USP45: variants seen among roughly 807,000 people sequenced by gnomAD.
USP45 encodes ubiquitin carboxyl-terminal hydrolase 45.
In USP45, 89 loss-of-function variants were observed where a neutral mutation model predicts 95.8. That is an observed-to-expected ratio of 0.93 (90% confidence interval 0.78 to 1.11). USP45 has a LOEUF of 1.11. Among genes scored for constraint, USP45 ranks in the 50% least tolerant of loss-of-function variants. The probability of loss-of-function intolerance (pLI) is 0.00; values close to 1 mark genes in which losing one functional copy is unlikely to be tolerated. For synonymous variants in USP45, 281 were observed against 316.2 expected, an observed-to-expected ratio of 0.89 and a Z score of 1.18; for missense variants, 898 against 942.5, an observed-to-expected ratio of 0.95 and a Z score of 0.62.
At position 99,515,392 on chromosome 6, in the gene USP45, C is replaced by T. The variant is rs1264563755; in HGVS notation, c.-11G>A. 1.3e-5 allele frequency: 2 copies of T among 152,272 alleles called. No homozygotes were observed. Among genetic ancestry groups the T allele is most frequent in the Non-Finnish European group, 2.9e-5 (2 of 68,080 alleles). 9.4% of individuals were successfully genotyped at this position (152,272 alleles called of 1,614,324 possible). A position where few individuals can be genotyped will look rare whatever the true frequency, so the allele number is the denominator to read the frequency against. On this transcript the variant is annotated splice_region_variant and 5_prime_UTR_variant, in exon 1 of 18. Coordinates refer to ENST00000500704, the MANE Select transcript of USP45 (RefSeq NM_001346022.3). The stretch of plus-strand genomic sequence containing the variant: ...CCAAAGCGCCGCGTTCTCAACTCAC[C>T]CCGCCGGGCCGGGCCGCAGCGTCTA...
At chr6:99,471,892 G>A (rs961654986) in intron 9 of USP45, among the ~76,000 whole-genome samples, 9 of 152,148 alleles carry the variant, frequency 5.9e-5, no homozygotes, top group African/African-American at 1.7e-4. Context: ...GTAGCTGACC[G>A]TCAGGACTGT....
In USP45 at chr6:99,445,859, T is replaced by G. The variant is rs1473432103; in HGVS notation, c.1913A>C (p.Lys638Thr). The G allele has an allele frequency of 6.2e-7, 1 of 1,608,500 alleles. No individual in the cohort carries two copies. Among genetic ancestry groups the G allele is most frequent in the Admixed American group, 1.7e-5 (1 of 58,776 alleles). The change falls in exon 14 of 18, where the codon AAG becomes ACG. Residue 638 changes from lysine to threonine, a missense_variant. Physicochemically the swap from Lys to Thr is moderately conservative, Grantham distance 78. Coordinates refer to ENST00000500704, the MANE Select transcript of USP45 (RefSeq NM_001346022.3). ...TSMELLMGNN[K>T]LLCENCTKNK... ...TTTAGTACAATTCTCACATAGAAGC[T>G]TATTATTCCCCATTAGTAATTCCAT...
intron 1 of USP45, among the ~76,000 whole-genome samples, chr6:99,510,677 A>G (rs1429812881): frequency 2.0e-5 from 3 of 152,140 alleles, no homozygotes; most frequent in Non-Finnish European, 4.4e-5. Flanking sequence ...CCCTCACCAG[A>G]TACTAGATTT....
chr6:99,438,707 T>A (rs988493607), intron 16 of USP45, among the ~76,000 whole-genome samples: 1 of 152,114 alleles, frequency 6.6e-6, no homozygotes, highest in Non-Finnish European at 1.5e-5. Context: ...GAGGGAGCAA[T>A]TCTTATCTGT....
At chr6:99,485,096 G>A (rs374448445) in intron 7 of USP45, among the ~76,000 whole-genome samples, 6 of 150,880 alleles carry the variant, frequency 4.0e-5, no homozygotes, top group South Asian at 2.1e-4. Flanking sequence ...TTGGGAGGCC[G>A]AGGCAGGTGG....
chr6:99,472,390 A>AT (rs1454371963), intron 9 of USP45, among the ~76,000 whole-genome samples: 6 of 151,880 alleles, frequency 4.0e-5, no homozygotes, highest in Non-Finnish European at 7.4e-5. Context: ...TAATTTTTGT[A>AT]TTTTTAGTAG....
At chr6:99,477,559 C>T (rs574873673) in intron 8 of USP45, among the ~76,000 whole-genome samples, 2 of 152,270 alleles carry the variant, frequency 1.3e-5, no homozygotes, top group East Asian at 3.9e-4. Context: ...ATGATCCACC[C>T]ACCTCAGCCT....
chr6:99,456,803 G>T lies in USP45; in HGVS notation c.1308+7801C>A, dbSNP rs531137917. 3.3e-4 allele frequency among the ~76,000 whole-genome samples: 47 copies of T among 140,770 alleles called. No individual in the cohort carries two copies. In the Middle Eastern group the frequency reaches 0.019, roughly 57 times the overall value. 92.4% of individuals were successfully genotyped at this position (140,770 alleles called of 152,430 possible). ...AAAAAAGAACAGAATAACAGCAATTGTTCAGGGAATAGGAGAGATAACCTT... is the reference window on the plus strand; with the variant it reads ...AAAAAAGAACAGAATAACAGCAATTTTTCAGGGAATAGGAGAGATAACCTT... On this transcript the variant is annotated intron_variant, in intron 13 of 17. Coordinates refer to ENST00000500704, the MANE Select transcript of USP45 (RefSeq NM_001346022.3).
In USP45 at chr6:99,472,221, A is replaced by ATTTT. The variant is rs5878580; in HGVS notation, c.934-3607_934-3604dup. On this transcript the variant is annotated intron_variant, in intron 9 of 17. Transcript: ENST00000500704. ...ACATGACTTTTAACTTCACTTACTA[A>ATTTT]TTTTTTTTTTTTTTGAGAACGTGTC... Among the ~76,000 whole-genome samples the ATTTT allele has an allele frequency of 3.5e-4, 50 of 143,942 alleles. 1 individual carries two copies. The highest frequency in any genetic ancestry group is 6.3e-4 in the Admixed American group (9 of 14,236). The allele number at this position is 143,942 out of a possible 152,430, so 94.4% of individuals were successfully genotyped here.
intron 13 of USP45, among the ~76,000 whole-genome samples, chr6:99,460,309 G>T (rs1786111088): frequency 6.6e-6 from 1 of 152,102 alleles, no homozygotes; most frequent in Admixed American, 6.6e-5. Context: ...AAGTAGAGGG[G>T]AAAAGCCCAC....
chr6:99,465,837 G>A (rs1332340239), intron 11 of USP45, among the ~76,000 whole-genome samples: 1 of 152,086 alleles, frequency 6.6e-6, no homozygotes, highest in African/African-American at 2.4e-5. Context: ...CCAAGCAATT[G>A]AAAATCTACA....
Position 99,498,663 on chromosome 6 carries a change from T to C in USP45, c.478+5102A>G, listed in dbSNP as rs550994132. Among the ~76,000 whole-genome samples the C allele has an allele frequency of 5.6e-4, 85 of 152,324 alleles. 1 individual carries two copies. Among genetic ancestry groups the C allele is most frequent in the African/African-American group, 1.9e-3 (79 of 41,568 alleles). On this transcript the variant is annotated intron_variant, in intron 5 of 17. Coordinates refer to ENST00000500704, the MANE Select transcript of USP45 (RefSeq NM_001346022.3). ...GAAGACAACTTCCTTCTTTCAAGGGTACTTAAGGTCAAAAGTATTTTCATA... is the reference window on the plus strand; with the variant it reads ...GAAGACAACTTCCTTCTTTCAAGGGCACTTAAGGTCAAAAGTATTTTCATA...
intron 4 of USP45, 110 bp downstream of exon 4, chr6:99,507,318 A>G: frequency 1.8e-6 from 1 of 561,404 alleles, no homozygotes; most frequent in South Asian, 3.0e-5. Context: ...AGGTTAAAAA[A>G]CCATAAGCTG....
At chr6:99,458,318 C>T (rs979095501) in intron 13 of USP45, among the ~76,000 whole-genome samples, 1 of 152,194 alleles carries the variant, frequency 6.6e-6, no homozygotes, top group African/African-American at 2.4e-5. Context: ...CGCACCCAGC[C>T]AGTATCAGCT....
rs796198859 is a variant in USP45, at chr6:99,467,751, T to G, written c.1015+786A>C. Among the ~76,000 whole-genome samples, 6 of 152,188 alleles carry G rather than the reference T, an allele frequency of 3.9e-5. No homozygotes were observed. The East Asian group carries it at 7.7e-4, about 20-fold the overall frequency. ...AAAGAACAAGGCATATTTGAGCAGC[T>G]ACGTTTTTTAAAAATCTTGAACCCT... On this transcript the variant is annotated intron_variant, in intron 10 of 17. Coordinates refer to ENST00000500704, the MANE Select transcript of USP45 (RefSeq NM_001346022.3).
chr6:99,490,271 C>G (rs1356702301), intron 5 of USP45, among the ~76,000 whole-genome samples: 2 of 152,020 alleles, frequency 1.3e-5, no homozygotes, highest in South Asian at 4.1e-4. Flanking sequence ...TCAAGTGATT[C>G]TCGTGTCTCA....
At chr6:99,473,124 T>C (rs929104775) in intron 9 of USP45, among the ~76,000 whole-genome samples, 1 of 152,102 alleles carries the variant, frequency 6.6e-6, no homozygotes, top group Non-Finnish European at 1.5e-5. Flanking sequence ...TTCAAAATAA[T>C]TGCAAATCAC....
In USP45 at chr6:99,445,900, G is replaced by C; in HGVS notation, c.1872C>G (p.Leu624=). The change falls in exon 14 of 18, where the codon CTC becomes CTG. Residue 624 remains leucine, a synonymous_variant. Coordinates refer to ENST00000500704, the MANE Select transcript of USP45 (RefSeq NM_001346022.3). Reference sequence around the variant, plus strand: ...GTAATTCCATAGATGTAAACTGGTAGAGACAGGACTGAATTGAACATTCTT... The same window carrying C: ...GTAATTCCATAGATGTAAACTGGTACAGACAGGACTGAATTGAACATTCTT... The part of the protein sequence containing the change: ...TSKECSIQSC[L]YQFTSMELLM... 6.2e-7 allele frequency: 1 copy of C among 1,613,946 alleles called. No homozygotes were observed. The highest frequency in any genetic ancestry group is 8.5e-7 in the Non-Finnish European group (1 of 1,179,956).
At chr6:99,449,374 T>C (rs1347557711) in intron 13 of USP45, among the ~76,000 whole-genome samples, 1 of 152,124 alleles carries the variant, frequency 6.6e-6, no homozygotes, top group Admixed American at 6.6e-5. Flanking sequence ...GCAATCTTAG[T>C]CTCTGATAAA....
Sources: allele counts gnomAD v4.1 joint callset (sites outside exome capture counted in the v4.1 genomes callset), GRCh38; gene constraint gnomAD v4.1.1; transcripts MANE v1.5; gene names NCBI Gene and HGNC (gene_info 2026-07-23, HGNC 2026-07-21).